PAK5: variants seen among roughly 807,000 people sequenced by gnomAD.
The protein encoded by PAK5 is p21 (RAC1) activated kinase 5, also known as serine/threonine-protein kinase PAK 5.
In PAK5, 16 loss-of-function variants were observed where a neutral mutation model predicts 65.9. The ratio of observed to expected loss-of-function variants is 0.24; its 90% CI spans 0.16 to 0.37. The LOEUF is 0.37. Ranked by LOEUF, PAK5 falls within the 10% of genes least tolerant of loss-of-function variation. The pLI is 1.00. For synonymous variants in PAK5, 371 were observed against 354.9 expected (o/e 1.05, Z -0.51); for missense variants, 785 against 903.9 (o/e 0.87, Z 1.69).
chr20:9,701,761 G>C (rs889974483), intron 2 of PAK5, among the ~76,000 whole-genome samples: 2 of 152,090 alleles, frequency 1.3e-5, no homozygotes, highest in Non-Finnish European at 2.9e-5. Flanking sequence ...CACTTTGGGA[G>C]GCTGAGGCAG....
intron 1 of PAK5, among the ~76,000 whole-genome samples, chr20:9,782,675 G>A (rs1292511942): frequency 6.6e-6 from 1 of 152,040 alleles, no homozygotes; most frequent in Non-Finnish European, 1.5e-5. Context: ...TCTTTTCTGG[G>A]AACTTGCTTT....
intron 2 of PAK5, among the ~76,000 whole-genome samples, chr20:9,694,464 A>G (rs73895945): frequency 6.6e-6 from 1 of 151,962 alleles, no homozygotes; most frequent in Non-Finnish European, 1.5e-5. Flanking sequence ...AAAAGGGTAC[A>G]GCTTAACGAC....
chr20:9,685,676 T>A (rs998424089), intron 2 of PAK5, among the ~76,000 whole-genome samples: 1 of 152,240 alleles, frequency 6.6e-6, no homozygotes, highest in Non-Finnish European at 1.5e-5. Flanking sequence ...TTTGTTATAG[T>A]AGCCCCAGAA....
chr20:9,747,817 T>G (rs1230675061), intron 1 of PAK5, among the ~76,000 whole-genome samples: 2 of 149,944 alleles, frequency 1.3e-5, no homozygotes, highest in African/African-American at 4.9e-5. Context: ...TTCAACATAG[T>G]GTTGGAAGTT....
chr20:9,641,581 G>C (rs928187625), intron 3 of PAK5, among the ~76,000 whole-genome samples: 5 of 151,950 alleles, frequency 3.3e-5, no homozygotes, highest in Non-Finnish European at 5.9e-5. Context: ...GTCCTGTGCG[G>C]TGCGCTCACA....
intron 1 of PAK5, among the ~76,000 whole-genome samples, chr20:9,780,097 G>C (rs967094932): frequency 6.6e-6 from 1 of 151,994 alleles, no homozygotes. Flanking sequence ...AGGGGTCCAA[G>C]GACCAAAAAT....
chr20:9,756,994 G>A (rs1600333414), intron 1 of PAK5, among the ~76,000 whole-genome samples: 1 of 152,282 alleles, frequency 6.6e-6, no homozygotes, highest in South Asian at 2.1e-4. Context: ...TTTCACTTGG[G>A]ACAATTCAGG....
rs543310920 is a variant in PAK5, at chr20:9,733,563, G to A, written c.-161-22128C>T. Among the ~76,000 whole-genome samples the A allele has an allele frequency of 2.0e-5, 3 of 152,186 alleles. No individual in the cohort carries two copies. In the East Asian group the frequency reaches 5.8e-4, roughly 29 times the overall value. ...AGGTTCAAGCAGTTCTCCTGCCTCA[G>A]CCTCCTAAGTAGCTGAGATTACAAG... is the stretch of plus-strand genomic sequence containing the variant. On this transcript the variant is annotated intron_variant, in intron 1 of 9. Transcript: ENST00000353224.
intron 2 of PAK5, among the ~76,000 whole-genome samples, chr20:9,666,451 GAGAA>G (rs983845718): frequency 8.0e-5 from 10 of 124,888 alleles, no homozygotes; most frequent in African/African-American, 1.5e-4. Flanking sequence ...AAAAAAAAAA[GAGAA>G]AGAAAGAAAG....
intron 7 of PAK5, among the ~76,000 whole-genome samples, chr20:9,548,952 G>A (rs1300577627): frequency 1.3e-5 from 2 of 152,164 alleles, no homozygotes; most frequent in Non-Finnish European, 2.9e-5. Flanking sequence ...TGCTAGAGAA[G>A]CTGGTTTAGC....
rs1415817469 is a variant in PAK5 at position 9,564,471 on chromosome 20, A to G, written c.1482+1422T>C. Among the ~76,000 whole-genome samples the G allele has an allele frequency of 2.0e-5, 3 of 152,218 alleles. 1 individual carries two copies. The highest frequency in any genetic ancestry group is 7.2e-5 in the African/African-American group (3 of 41,458). On this transcript the variant is annotated intron_variant, in intron 5 of 9. Coordinates refer to ENST00000353224, the MANE Select transcript of PAK5 (RefSeq NM_177990.4). ...CCTATAACCACATAAAATTCAATTT[A>G]GCTACACTAGTAATAAAAGTGCTAA...
At chr20:9,831,968 T>C (rs905512718) in intron 1 of PAK5, among the ~76,000 whole-genome samples, 2 of 152,166 alleles carry the variant, frequency 1.3e-5, no homozygotes, top group Admixed American at 1.3e-4. Flanking sequence ...ACAATATATG[T>C]AGTAGTGCAT....
chr20:9,602,291 AAAATAAATAAATAAAT>A (rs200878141), intron 3 of PAK5, among the ~76,000 whole-genome samples: 5,101 of 141,904 alleles, frequency 0.036, 122 homozygotes, highest in Non-Finnish European at 0.054. Flanking sequence ...CTCTGTCTCA[AAAATAAATAAATAAAT>A]AAATAAATAA....
At chr20:9,641,785 C>T (rs576425368) in intron 3 of PAK5, among the ~76,000 whole-genome samples, 208 of 152,204 alleles carry the variant, frequency 1.4e-3, no homozygotes, top group Middle Eastern at 3.4e-3. Flanking sequence ...GCCGGTGGGC[C>T]GGCACTGCTG....
chr20:9,698,109 G>A (rs2047892963), intron 2 of PAK5, among the ~76,000 whole-genome samples: 1 of 152,070 alleles, frequency 6.6e-6, no homozygotes, highest in East Asian at 1.9e-4. Flanking sequence ...GTGGGAGAGG[G>A]CTTGATTAAT....
intron 1 of PAK5, among the ~76,000 whole-genome samples, chr20:9,766,582 G>A (rs2048771487): frequency 6.9e-6 from 1 of 145,158 alleles, no homozygotes; most frequent in Non-Finnish European, 1.5e-5. Flanking sequence ...GAATACTATG[G>A]AGTAATAAAA....
intron 1 of PAK5, among the ~76,000 whole-genome samples, chr20:9,821,753 T>G (rs1348771857): frequency 6.6e-6 from 1 of 152,218 alleles, no homozygotes; most frequent in African/African-American, 2.4e-5. Flanking sequence ...GACTAACACT[T>G]GCGTTTCTGC....
intron 7 of PAK5, among the ~76,000 whole-genome samples, chr20:9,548,054 G>A (rs778299281): frequency 1.3e-5 from 2 of 152,096 alleles, no homozygotes; most frequent in African/African-American, 2.4e-5. Context: ...GCAAACACAC[G>A]AGTCCACCTG....
intron 1 of PAK5, among the ~76,000 whole-genome samples, chr20:9,765,578 G>A (rs1266440957): frequency 6.6e-6 from 1 of 152,026 alleles, no homozygotes; most frequent in Non-Finnish European, 1.5e-5. Context: ...AACACTGGTA[G>A]CTTAAAACTG....
Sources: gnomAD v4.1 joint callset for allele counts (sites outside exome capture counted in the v4.1 genomes callset) on GRCh38, gnomAD v4.1.1 for gene constraint, MANE v1.5 for transcripts, NCBI Gene and HGNC (gene_info 2026-07-23, HGNC 2026-07-21) for gene names.